Variants in FAM133A observed in about 807,000 individuals in gnomAD.
FAM133A encodes family with sequence similarity 133 member A.
For missense variants in FAM133A, 159 were observed against 164.4 expected (o/e 0.97, Z 0.18); for synonymous variants, 65 against 58.6 (o/e 1.11, Z -0.50).
intron 2 of FAM133A, among the ~76,000 whole-genome samples, chrX:93,683,735 T>A (rs1288956894): frequency 8.9e-6 from 1 of 111,733 alleles, no homozygotes; most frequent in Non-Finnish European, 1.9e-5. Context: ...TATCTCTTCG[T>A]GGTTTTGATT....
chrX:93,696,875 G>A (rs1026459437), intron 2 of FAM133A, among the ~76,000 whole-genome samples: 17 of 108,669 alleles, frequency 1.6e-4, no homozygotes, highest in African/African-American at 5.4e-4. Context: ...AGCCGAGATC[G>A]CGCCACTGCA....
intron 2 of FAM133A, among the ~76,000 whole-genome samples, chrX:93,695,085 GGGCAT>G (rs1170499937): frequency 9.0e-6 from 1 of 111,288 alleles, no homozygotes; most frequent in African/African-American, 3.3e-5. Context: ...CTATATAGAA[GGGCAT>G]GTTGGTGACA....
At chrX:93,697,190 TA>T (rs762948406) in intron 2 of FAM133A, among the ~76,000 whole-genome samples, 39,985 of 97,353 alleles carry the variant, frequency 0.41, 6,876 homozygotes, top group Admixed American at 0.51. Flanking sequence ...TATATATATA[TA>T]ATATATCATA....
At chrX:93,690,802 A>C (rs2147616010) in intron 2 of FAM133A, among the ~76,000 whole-genome samples, 1 of 111,734 alleles carries the variant, frequency 8.9e-6, no homozygotes. Flanking sequence ...CTACCAAAAT[A>C]TTTTCCAATG....
chrX:93,704,520 A>G (rs1017944922), intron 3 of FAM133A, among the ~76,000 whole-genome samples: 1 of 111,804 alleles, frequency 8.9e-6, no homozygotes, highest in Non-Finnish European at 1.9e-5. Context: ...ACTTTGAAAA[A>G]GATGTTTCAA....
At chrX:93,687,648 T>C (rs1925624115) in intron 2 of FAM133A, among the ~76,000 whole-genome samples, 1 of 111,801 alleles carries the variant, frequency 8.9e-6, no homozygotes, top group African/African-American at 3.2e-5. Context: ...CATCATTTCT[T>C]TGTGATGAAC....
At chrX:93,698,831 A>T (rs1048658112) in intron 3 of FAM133A, among the ~76,000 whole-genome samples, 1 of 111,453 alleles carries the variant, frequency 9.0e-6, no homozygotes, top group African/African-American at 3.3e-5. Flanking sequence ...ATATTTGCTT[A>T]TTTTTTTGAG....
At chrX:93,703,115 G>C (rs1926834294) in intron 3 of FAM133A, among the ~76,000 whole-genome samples, 1 of 111,635 alleles carries the variant, frequency 9.0e-6, no homozygotes, top group South Asian at 3.7e-4. Context: ...CTTGAGCCCA[G>C]GAGGCAGAGG....
In FAM133A at chrX:93,674,761, C is replaced by T. The variant is rs746818610; in HGVS notation, c.-193+9C>T. ...TTACTTTTCATTGAAAGGTAAGGAT[C>T]ATATTTAGCACATTTTAAAGAATGA... On this transcript the variant is annotated intron_variant, in intron 2 of 3. Transcript: ENST00000683942. 9.0e-6 allele frequency: 1 copy of T among 111,232 alleles called. No individual in the cohort carries two copies. Among genetic ancestry groups the T allele is most frequent in the East Asian group, 2.8e-4 (1 of 3,537 alleles). The allele number at this position is 111,232 out of a possible 1,213,427, so 9.2% of individuals were successfully genotyped here. A position where few individuals can be genotyped will look rare whatever the true frequency, so the allele number is the denominator to read the frequency against.
At chrX:93,688,746 G>A (rs1461446234) in intron 2 of FAM133A, among the ~76,000 whole-genome samples, 2 of 110,039 alleles carry the variant, frequency 1.8e-5, no homozygotes, top group African/African-American at 6.6e-5. Context: ...TGCTTTGTGG[G>A]GATAGAAAAA....
chrX:93,709,828 C>T lies in FAM133A; in HGVS notation c.409C>T (p.Arg137Cys), dbSNP rs762182826. The change falls in exon 4 of 4, where the codon CGT (arginine) becomes TGT (cysteine). Residue 137 changes from arginine to cysteine, a missense_variant. Physicochemically the swap from Arg to Cys is radical, Grantham distance 180. Transcript: ENST00000683942. ...QGKRRKKKKN[R>C]SYKSSQSSTH... ...AAAAAGGAGAAAGAAAAAGAAGAAC[C>T]GTTCATACAAATCATCCCAAAGCTC... 17 of 1,198,095 alleles carry T rather than the reference C, an allele frequency of 1.4e-5. No homozygotes were observed. Among genetic ancestry groups the T allele is most frequent in the Middle Eastern group, 2.4e-4 (1 of 4,208 alleles).
chrX:93,681,099 C>T (rs1371110019), intron 2 of FAM133A, among the ~76,000 whole-genome samples: 1 of 111,036 alleles, frequency 9.0e-6, no homozygotes, highest in Non-Finnish European at 1.9e-5. Context: ...GAAGAATTTC[C>T]ATCCTACAAT....
intron 3 of FAM133A, among the ~76,000 whole-genome samples, chrX:93,700,456 T>A (rs1926617587): frequency 9.0e-6 from 1 of 111,634 alleles, no homozygotes; most frequent in African/African-American, 3.3e-5. Flanking sequence ...CCAGTTTCAA[T>A]CTCAGCTTAA....
intron 3 of FAM133A, among the ~76,000 whole-genome samples, chrX:93,702,492 A>G (rs973393243): frequency 4.5e-5 from 5 of 111,378 alleles, no homozygotes; most frequent in African/African-American, 1.6e-4. Flanking sequence ...ATACTGGTAT[A>G]AATAAGTGAC....
intron 2 of FAM133A, among the ~76,000 whole-genome samples, chrX:93,695,075 C>A (rs1314564472): frequency 9.0e-6 from 1 of 111,044 alleles, no homozygotes; most frequent in African/African-American, 3.3e-5. Context: ...ATAAATATGT[C>A]TATATAGAAG....
At chrX:93,708,839 G>A (rs1927221121) in intron 3 of FAM133A, among the ~76,000 whole-genome samples, 1 of 111,655 alleles carries the variant, frequency 9.0e-6, no homozygotes, top group South Asian at 3.7e-4. Flanking sequence ...TAAATATCAG[G>A]ATTTAGTAAT....
chrX:93,673,803 T>TC (rs927691371), upstream of FAM133A, among the ~76,000 whole-genome samples: 6 of 107,365 alleles, frequency 5.6e-5, no homozygotes, highest in Non-Finnish European at 9.6e-5. Flanking sequence ...TTGGAAGGTG[T>TC]CCCCCTGCCC....
At chrX:93,676,407 TGTC>T (rs1281875618) in intron 2 of FAM133A, among the ~76,000 whole-genome samples, 1 of 111,327 alleles carries the variant, frequency 9.0e-6, no homozygotes, top group Non-Finnish European at 1.9e-5. Context: ...GTGGTAAGAT[TGTC>T]TTTTCATATG....
At chrX:93,709,237 G>A in intron 3 of FAM133A, 80 bp from the exon 4 acceptor site, 1 of 556,751 alleles carries the variant, frequency 1.8e-6, no homozygotes, top group Non-Finnish European at 2.5e-6. Flanking sequence ...GTGATAGGCA[G>A]TGTTAACAAT....
Sources: gnomAD v4.1 joint callset for allele counts (sites outside exome capture counted in the v4.1 genomes callset) on GRCh38, gnomAD v4.1.1 for gene constraint, MANE v1.5 for transcripts, NCBI Gene and HGNC (gene_info 2026-07-23, HGNC 2026-07-21) for gene names.